CR1L: variants seen among roughly 807,000 people sequenced by gnomAD.
The protein encoded by CR1L is complement C3b/C4b receptor 1 like.
A neutral mutation model predicts 62.3 loss-of-function variants in CR1L; 59 were observed. The ratio of observed to expected loss-of-function variants is 0.95; its 90% CI spans 0.77 to 1.18. The LOEUF is 1.18. CR1L is among the 50% of genes most tolerant of loss of function. The pLI, the probability that CR1L is intolerant of heterozygous loss-of-function variation, is 0.00. For missense variants in CR1L, 700 were observed against 702.8 expected (o/e 1.00, Z 0.04); for synonymous variants, 279 against 248.7 (o/e 1.12, Z -1.15).
Position 207,699,110 on chromosome 1 carries a change from T to C in CR1L, c.1143-79T>C. 5 of 1,589,810 alleles carry C rather than the reference T, an allele frequency of 3.1e-6. No homozygotes were observed. The Admixed American group carries it at 8.4e-5, about 27-fold the overall frequency. On this transcript the variant is annotated intron_variant, in intron 7 of 11. Coordinates refer to ENST00000508064, the MANE Select transcript of CR1L (RefSeq NM_175710.2). ...CCTCAGGTCCTCAAAATCCTGAAAT[T>C]GGGGCTGGGCCTTAGATTGTGAACT...
At chr1:207,655,827 TAGTG>T (rs1224965894) in intron 1 of CR1L, among the ~76,000 whole-genome samples, 5 of 152,346 alleles carry the variant, frequency 3.3e-5, no homozygotes, top group East Asian at 1.9e-4. Context: ...AAAATAAAAT[TAGTG>T]AGAATAGTGG....
rs1664303715 is a variant in CR1L, at chr1:207,708,381, A to T, written c.1414+118A>T. On this transcript the variant is annotated intron_variant, in intron 10 of 11. Transcript: ENST00000508064. The stretch of plus-strand genomic sequence containing the variant: ...AATGGTATCCTTCTGATATTTGAAG[A>T]ATCCAGTCATATCCTTAAAATGGCT... 3 of 1,324,162 alleles carry T rather than the reference A, an allele frequency of 2.3e-6. No homozygotes were observed. In the South Asian group the frequency reaches 4.0e-5, roughly 18 times the overall value. The allele number at this position is 1,324,162 out of a possible 1,614,324, so 82.0% of individuals were successfully genotyped here.
chr1:207,683,240 G>C (rs1408178453), intron 3 of CR1L, among the ~76,000 whole-genome samples: 1 of 151,852 alleles, frequency 6.6e-6, no homozygotes, highest in African/African-American at 2.4e-5. Flanking sequence ...AGGCTCAAGC[G>C]ATCTTCCTGC....
chr1:207,670,894 G>C (rs1663603755), intron 1 of CR1L, among the ~76,000 whole-genome samples: 1 of 151,132 alleles, frequency 6.6e-6, no homozygotes, highest in African/African-American at 2.5e-5. Context: ...AAATTTTGTT[G>C]CTGGAGTAAT....
At chr1:207,700,708 A>C (rs2102472261) in intron 8 of CR1L, among the ~76,000 whole-genome samples, 1 of 151,636 alleles carries the variant, frequency 6.6e-6, no homozygotes. Context: ...CACCTATTTA[A>C]GATGATTAGC....
At position 207,717,924 on chromosome 1, in the gene CR1L, G is replaced by T. The variant is rs564729911; in HGVS notation, c.1642+233G>T. On this transcript the variant is annotated intron_variant, in intron 11 of 11. Coordinates refer to ENST00000508064, the MANE Select transcript of CR1L (RefSeq NM_175710.2). ...AGGGTGGGATGGTAAGGAGAGAAGAGGGTGGACAGTGAAGAGAATTGGTGA... is the reference window on the plus strand; with the variant it reads ...AGGGTGGGATGGTAAGGAGAGAAGATGGTGGACAGTGAAGAGAATTGGTGA... Among the ~76,000 whole-genome samples the T allele has an allele frequency of 4.6e-5, 7 of 152,276 alleles. No individual in the cohort carries two copies. In the South Asian group the frequency reaches 1.2e-3, roughly 27 times the overall value.
At position 207,723,638 on chromosome 1, in the gene CR1L, G is replaced by T. The variant is rs779748410; in HGVS notation, c.1663G>T (p.Val555Phe). 6.3e-7 allele frequency: 1 copy of T among 1,597,274 alleles called. No individual in the cohort carries two copies. The highest frequency in any genetic ancestry group is 8.5e-7 in the Non-Finnish European group (1 of 1,170,486). The change falls in exon 12 of 12, where the codon GTT becomes TTT. Residue 555 changes from valine (V) to phenylalanine (F), a missense_variant. Physicochemically the swap from Val to Phe is conservative, Grantham distance 50 (BLOSUM62 -1). Transcript: ENST00000508064. ...VGAGSHDALI[V>F]GKFYEVFAEE... ...TTTAGGTTCACATGATGCTCTTATAGTTGGTAAGTTTTATGAAGTGTTTGC... is the reference window on the plus strand; with the variant it reads ...TTTAGGTTCACATGATGCTCTTATATTTGGTAAGTTTTATGAAGTGTTTGC...
chr1:207,665,404 A>AT (rs11457954), intron 1 of CR1L, among the ~76,000 whole-genome samples: 68,415 of 147,662 alleles, frequency 0.46, 16,050 homozygotes, highest in East Asian at 0.67. Flanking sequence ...AGATTAAATT[A>AT]TTTTTTTTTC....
intron 11 of CR1L, among the ~76,000 whole-genome samples, chr1:207,721,750 C>T (rs201375686): frequency 3.0e-4 from 45 of 151,990 alleles, no homozygotes; most frequent in East Asian, 2.5e-3. Flanking sequence ...AGTTCTAGAT[C>T]GCTGAGGAAT....
chr1:207,714,148 A>G (rs11118451), intron 10 of CR1L, among the ~76,000 whole-genome samples: 92,751 of 152,136 alleles, frequency 0.61, 29,003 homozygotes, highest in East Asian at 0.87. Context: ...GCTTCTCAGC[A>G]GAGAAGAGAC....
chr1:207,668,303 G>A (rs1663553545), intron 1 of CR1L, among the ~76,000 whole-genome samples: 1 of 151,170 alleles, frequency 6.6e-6, no homozygotes. Flanking sequence ...TAAATAAAAT[G>A]TGGTATATAT....
At chr1:207,674,563 A>T (rs11588445) in intron 1 of CR1L, among the ~76,000 whole-genome samples, 5,833 of 152,290 alleles carry the variant, frequency 0.038, 177 homozygotes, top group South Asian at 0.12. Context: ...TACTATGCAT[A>T]TACTACTATA....
chr1:207,661,619 T>C (rs1390288502), intron 1 of CR1L, among the ~76,000 whole-genome samples: 1 of 152,220 alleles, frequency 6.6e-6, no homozygotes, highest in African/African-American at 2.4e-5. Flanking sequence ...TCTGTGTCTT[T>C]TAATTGGAGC....
intron 1 of CR1L, chr1:207,652,507 T>C (rs1663237936): frequency 9.1e-7 from 1 of 1,100,076 alleles, no homozygotes; most frequent in Non-Finnish European, 1.4e-6. Flanking sequence ...GAAAGTGATA[T>C]CAGTACTTCA....
chr1:207,707,830 A>ACACACACACAC (rs1571532785), intron 9 of CR1L, among the ~76,000 whole-genome samples: 1 of 150,502 alleles, frequency 6.6e-6, no homozygotes, highest in African/African-American at 2.5e-5. Flanking sequence ...ATATTAAGGG[A>ACACACACACAC]ATACGCAAAC....
intron 4 of CR1L, among the ~76,000 whole-genome samples, chr1:207,690,420 G>C (rs1663979476): frequency 6.6e-6 from 1 of 152,130 alleles, no homozygotes; most frequent in South Asian, 2.1e-4. Flanking sequence ...TCAATCATTT[G>C]AGACATGGTT....
chr1:207,674,482 A>G (rs958735317), intron 1 of CR1L, among the ~76,000 whole-genome samples: 1 of 152,200 alleles, frequency 6.6e-6, no homozygotes, highest in Non-Finnish European at 1.5e-5. Context: ...AGGAAACTAC[A>G]TCAAGCATTC....
At chr1:207,710,346 G>T (rs1251571987) in intron 10 of CR1L, 4 of 1,244,856 alleles carry the variant, frequency 3.2e-6, no homozygotes, top group Non-Finnish European at 4.7e-6. Context: ...CTGTCCCAAG[G>T]TTTTGTTTTG....
Position 207,697,870 on chromosome 1 carries a change from A to G in CR1L, c.1139A>G (p.Glu380Gly), listed in dbSNP as rs778571704. ...GCAAAAGTGGATTTTGTTTGTGATG[A>G]AGGGTGAGTATGAGCTTGCCTGACC... ...LGAKVDFVCD[E>G]GFQLKGSSAS... Residue 380 changes from glutamate to glycine, a missense_variant, in exon 7 of 12, where the codon GAA (glutamate) becomes GGA (glycine). Glu to Gly is a moderately conservative substitution (Grantham distance 98). Coordinates refer to ENST00000508064, the MANE Select transcript of CR1L (RefSeq NM_175710.2). 1.9e-6 allele frequency: 3 copies of G among 1,613,878 alleles called. No individual in the cohort carries two copies. The South Asian group carries it at 3.3e-5, about 18-fold the overall frequency.
Sources: gnomAD v4.1 joint callset for allele counts (sites outside exome capture counted in the v4.1 genomes callset) on GRCh38, gnomAD v4.1.1 for gene constraint, MANE v1.5 for transcripts, NCBI Gene and HGNC (gene_info 2026-07-23, HGNC 2026-07-21) for gene names.